Variants in TPGS1 observed in about 807,000 individuals in gnomAD.
TPGS1 encodes tubulin polyglutamylase complex subunit 1.
A neutral mutation model predicts 11.9 loss-of-function variants in TPGS1; 18 were observed. The observed-to-expected ratio is 1.51, with a 90% confidence interval of 1.04 to 2.24. The LOEUF is 2.24. TPGS1 is among the 30% of genes most tolerant of loss of function. The pLI, the probability that TPGS1 is intolerant of heterozygous loss-of-function variation, is 0.00. For synonymous variants in TPGS1, 247 were observed against 218.2 expected, an observed-to-expected ratio of 1.13 and a Z score of -1.16; for missense variants, 500 against 443.0, an observed-to-expected ratio of 1.13 and a Z score of -1.16.
chr19:512,574 C>T (rs73919614), intron 1 of TPGS1, among the ~76,000 whole-genome samples: 20,756 of 152,168 alleles, frequency 0.14, 1,463 homozygotes, highest in East Asian at 0.2. Context: ...TGAAAGTGGG[C>T]CACGCCCCCT....
In TPGS1 at chr19:518,882, T is replaced by G. The variant is rs1979053991; in HGVS notation, c.339-7T>G. On this transcript the variant is annotated splice_polypyrimidine_tract_variant and splice_region_variant and intron_variant, in intron 1 of 1. Coordinates refer to ENST00000359315, the MANE Select transcript of TPGS1 (RefSeq NM_033513.3). ...TCTGCCGGCCCCCAACGTCCCCGTC[T>G]CCGCAGGGCCGCCTTCAACAACAAC... The G allele has an allele frequency of 4.0e-6, 6 of 1,501,958 alleles. No homozygotes were observed. The highest frequency in any genetic ancestry group is 5.3e-6 in the Non-Finnish European group (6 of 1,132,586). 93.0% of individuals were successfully genotyped at this position (1,501,958 alleles called of 1,614,324 possible). A position where few individuals can be genotyped will look rare whatever the true frequency, so the allele number is the denominator to read the frequency against.
chr19:516,116 C>A (rs1301457014), intron 1 of TPGS1, among the ~76,000 whole-genome samples: 1 of 151,730 alleles, frequency 6.6e-6, no homozygotes, highest in Non-Finnish European at 1.5e-5. Flanking sequence ...CAGTATTTGG[C>A]CACATGTAAA....
rs1978674169 is a variant in TPGS1 at position 507,935 on chromosome 19, C to T, written c.338+91C>T. On this transcript the variant is annotated intron_variant, in intron 1 of 1. Transcript: ENST00000359315. ...CGGCTCCCTACCCGCAGCGCCGGCG[C>T]AGGGGCCCGGGGCTTGCTGGGAGTT... 19 of 1,058,754 alleles carry T rather than the reference C, an allele frequency of 1.8e-5. No individual in the cohort carries two copies. The South Asian group carries it at 3.1e-4, about 17-fold the overall frequency. The allele number at this position is 1,058,754 out of a possible 1,614,324, so 65.6% of individuals were successfully genotyped here. A position where few individuals can be genotyped will look rare whatever the true frequency, so the allele number is the denominator to read the frequency against.
chr19:514,965 C>T (rs751194012), intron 1 of TPGS1, among the ~76,000 whole-genome samples: 20 of 152,204 alleles, frequency 1.3e-4, no homozygotes, highest in Non-Finnish European at 2.4e-4. Flanking sequence ...GCCTCAGGCT[C>T]CTCACTGGGG....
At chr19:516,070 A>T (rs1009616330) in intron 1 of TPGS1, among the ~76,000 whole-genome samples, 1 of 151,788 alleles carries the variant, frequency 6.6e-6, no homozygotes, top group Non-Finnish European at 1.5e-5. Flanking sequence ...GAAAGAAAAG[A>T]AAAAAACAAA....
At chr19:512,430 T>C in intron 1 of TPGS1, among the ~76,000 whole-genome samples, 1 of 152,236 alleles carries the variant, frequency 6.6e-6, no homozygotes, top group East Asian at 1.9e-4. Context: ...CCCAAAGTGC[T>C]GGGCTCACAG....
chr19:514,098 A>G (rs541964361), intron 1 of TPGS1, among the ~76,000 whole-genome samples: 1 of 148,478 alleles, frequency 6.7e-6, no homozygotes, highest in South Asian at 2.2e-4. Flanking sequence ...ACTATGTACC[A>G]GCCCTGCATT....
In TPGS1 at chr19:519,341, G is replaced by A; in HGVS notation, c.791G>A (p.Arg264Gln). 1 of 1,200,084 alleles carries A rather than the reference G, an allele frequency of 8.3e-7. No homozygotes were observed. Among genetic ancestry groups the A allele is most frequent in the South Asian group, 3.9e-5 (1 of 25,354 alleles). 74.3% of individuals were successfully genotyped at this position (1,200,084 alleles called of 1,614,324 possible). ...CTGGACCGCGCCGTCGGGGGGCGGCGGCCCAGCGCGCCCATGACCCGCGAG... is the reference window on the plus strand; with the variant it reads ...CTGGACCGCGCCGTCGGGGGGCGGCAGCCCAGCGCGCCCATGACCCGCGAG... ...LALDRAVGGRRPSAPMTREEF... is the reference protein window; with the variant it reads ...LALDRAVGGRQPSAPMTREEF... Residue 264 changes from arginine to glutamine, a missense_variant, in exon 2 of 2, where the codon CGG (arginine) becomes CAG (glutamine). Coordinates refer to ENST00000359315, the MANE Select transcript of TPGS1 (RefSeq NM_033513.3).
chr19:507,550 C>T lies in TPGS1; in HGVS notation c.44C>T (p.Ala15Val). The T allele has an allele frequency of 2.1e-6, 3 of 1,419,322 alleles. No individual in the cohort carries two copies. Among genetic ancestry groups the T allele is most frequent in the South Asian group, 1.5e-5 (1 of 66,612 alleles). 87.9% of individuals were successfully genotyped at this position (1,419,322 alleles called of 1,614,324 possible). A position where few individuals can be genotyped will look rare whatever the true frequency, so the allele number is the denominator to read the frequency against. The change falls in exon 1 of 2, where the codon GCC becomes GTC. Residue 15 changes from alanine to valine, a missense_variant. Physicochemically the swap from Ala to Val is moderately conservative, Grantham distance 64. Transcript: ENST00000359315. The part of the protein sequence containing the change: ...EKRRQAVPPP[A>V]GFTDSGRQSV... ...CGGCGGCAAGCGGTACCACCGCCGG[C>T]CGGTTTCACGGACAGCGGCCGCCAG... is the stretch of plus-strand genomic sequence containing the variant.
chr19:512,471 C>G (rs999485035), intron 1 of TPGS1, among the ~76,000 whole-genome samples: 1 of 152,334 alleles, frequency 6.6e-6, no homozygotes, highest in East Asian at 1.9e-4. Flanking sequence ...ACCCACCCCC[C>G]ACCAAGGGCT....
chr19:516,382 C>T (rs1021399320), intron 1 of TPGS1, among the ~76,000 whole-genome samples: 1 of 143,786 alleles, frequency 7.0e-6, no homozygotes, highest in Non-Finnish European at 1.5e-5. Flanking sequence ...TTTCTTTTTT[C>T]TTTTTCTTTT....
At position 519,277 on chromosome 19, in the gene TPGS1, G is replaced by A. The variant is rs957663136; in HGVS notation, c.727G>A (p.Ala243Thr). The change falls in exon 2 of 2, where the codon GCC becomes ACC. Residue 243 changes from alanine to threonine, a missense_variant. Coordinates refer to ENST00000359315, the MANE Select transcript of TPGS1 (RefSeq NM_033513.3). ...CGCCGCGCCCGCGCGCTTCCTGGAG[G>A]CCGGCTCGCGCTTGGGGCCCGACAG... ...DAAAPARFLE[A>T]GSRLGPDSLA... 6.7e-6 allele frequency: 8 copies of A among 1,193,634 alleles called. No individual in the cohort carries two copies. In the Admixed American group the frequency reaches 1.8e-4, roughly 27 times the overall value. The allele number at this position is 1,193,634 out of a possible 1,614,324, so 73.9% of individuals were successfully genotyped here. A position where few individuals can be genotyped will look rare whatever the true frequency, so the allele number is the denominator to read the frequency against.
intron 1 of TPGS1, among the ~76,000 whole-genome samples, chr19:517,038 ACC>A (rs1446431776): frequency 1.3e-5 from 2 of 152,014 alleles, no homozygotes; most frequent in Non-Finnish European, 2.9e-5. Context: ...TTTACTGAGC[ACC>A]TACTGTGGGC....
At chr19:514,624 C>T (rs560325215) in intron 1 of TPGS1, among the ~76,000 whole-genome samples, 5 of 152,350 alleles carry the variant, frequency 3.3e-5, no homozygotes, top group East Asian at 1.9e-4. Context: ...CAGGTCATGC[C>T]GGAGGGAAGG....
intron 1 of TPGS1, among the ~76,000 whole-genome samples, chr19:514,332 A>C (rs1978890994): frequency 6.7e-6 from 1 of 148,810 alleles, no homozygotes; most frequent in African/African-American, 2.5e-5. Context: ...CACCGACCCC[A>C]CGTTTACTAA....
intron 1 of TPGS1, 99 bp from the exon 2 acceptor site, chr19:518,790 G>C: frequency 7.6e-7 from 1 of 1,310,682 alleles, no homozygotes; most frequent in African/African-American, 1.6e-5. Context: ...GGCTGGCTGG[G>C]GGGTCGGGGA....
chr19:510,886 G>T (rs1978775134), intron 1 of TPGS1, among the ~76,000 whole-genome samples: 1 of 152,220 alleles, frequency 6.6e-6, no homozygotes, highest in African/African-American at 2.4e-5. Context: ...GCCCTGAGCA[G>T]CGTCCCTGGC....
intron 1 of TPGS1, among the ~76,000 whole-genome samples, chr19:511,258 C>T (rs1978785919): frequency 1.3e-5 from 2 of 152,210 alleles, no homozygotes; most frequent in South Asian, 4.1e-4. Flanking sequence ...CTCCTCCTCC[C>T]TCACCCGATG....
intron 1 of TPGS1, chr19:508,566 T>TGG (rs34918118): frequency 0.054 from 7,543 of 140,814 alleles, 237 homozygotes; most frequent in East Asian, 0.19. Flanking sequence ...TGTCTTTTGT[T>TGG]GGGGGGGGGG....
Sources: gnomAD v4.1 joint callset for allele counts (sites outside exome capture counted in the v4.1 genomes callset) on GRCh38, gnomAD v4.1.1 for gene constraint, MANE v1.5 for transcripts, NCBI Gene and HGNC (gene_info 2026-07-23, HGNC 2026-07-21) for gene names.